The following AACS variants were observed in gnomAD, a reference collection of about 807,000 sequenced individuals.
AACS encodes the protein acetoacetyl-CoA synthetase.
Under a neutral mutation model 83.1 loss-of-function variants are expected in AACS, and 69 were observed. That is an observed-to-expected ratio of 0.83 (90% CI 0.68 to 1.01). The LOEUF is 1.01. Ranked by LOEUF, AACS falls within the 50% of genes least tolerant of loss-of-function variation. AACS has a pLI of 0.00. For missense variants in AACS, 866 were observed against 882.2 expected (o/e 0.98, Z 0.23); for synonymous variants, 333 against 343.4 (o/e 0.97, Z 0.33).
intron 12 of AACS, chr12:125,127,882 A>T: frequency 3.8e-6 from 1 of 262,382 alleles, no homozygotes. Context: ...TGAGTCTTGA[A>T]TTTCAGCATG....
rs988868526 is a variant in AACS, at chr12:125,130,933, A to G, written c.1549+1473A>G. Among the ~76,000 whole-genome samples the G allele has an allele frequency of 1.8e-4, 28 of 152,356 alleles. No homozygotes were observed. The highest frequency in any genetic ancestry group is 6.7e-4 in the African/African-American group (28 of 41,584). Reference sequence around the variant, plus strand: ...ATAATGAGATCTGAAGCTGTTTATCATGGACAAGGTGAACATAGGCTGCAC... The same window carrying G: ...ATAATGAGATCTGAAGCTGTTTATCGTGGACAAGGTGAACATAGGCTGCAC... On this transcript the variant is annotated intron_variant, in intron 14 of 17. Coordinates refer to ENST00000316519, the MANE Select transcript of AACS (RefSeq NM_023928.5). The surrounding 1 kb of genome is among the most constrained non-coding windows in gnomAD (Gnocchi z 4.9).
chr12:125,071,451 G>A (rs1330613694), intron 1 of AACS, among the ~76,000 whole-genome samples: 1 of 152,208 alleles, frequency 6.6e-6, no homozygotes, highest in African/African-American at 2.4e-5. Context: ...ATGGATTTAT[G>A]TGCTTGCTTT....
chr12:125,071,726 G>A (rs1239112896), intron 1 of AACS, among the ~76,000 whole-genome samples: 1 of 152,122 alleles, frequency 6.6e-6, no homozygotes, highest in African/African-American at 2.4e-5. Flanking sequence ...GAAGTCGGCC[G>A]CTTTTGCTGT....
Position 125,103,190 on chromosome 12 carries a change from TGGA to T in AACS, c.767+115_767+117del. On this transcript the variant is annotated intron_variant, in intron 7 of 17. Coordinates refer to ENST00000316519, the MANE Select transcript of AACS (RefSeq NM_023928.5). ...GGGGTCACTCAGAGAATTTTAGAAG[TGGA>T]GGAGGTTTTAGTTAAAAGCATCATT... 7.7e-6 allele frequency: 7 copies of T among 911,806 alleles called. 1 individual carries two copies. In the South Asian group the frequency reaches 1.1e-4, roughly 14 times the overall value. 56.5% of individuals were successfully genotyped at this position (911,806 alleles called of 1,614,324 possible).
At chr12:125,076,096 A>G (rs1956012983) in intron 2 of AACS, among the ~76,000 whole-genome samples, 2 of 152,224 alleles carry the variant, frequency 1.3e-5, no homozygotes, top group Non-Finnish European at 2.9e-5. Flanking sequence ...AAGGAAGCAA[A>G]GGCTGAAGCC....
rs1251210830 is a variant in AACS at position 125,118,682 on chromosome 12, C to T, written c.1038C>T (p.Ala346=). The part of the protein sequence containing the change: ...MMWNWMVSLL[A]TGAAMVLYDG... ...GGAACTGGATGGTGTCCCTTCTGGC[C>T]ACAGGAGCGGCCATGGTCTTGTACG... is the stretch of plus-strand genomic sequence containing the variant. The change falls in exon 10 of 18, where the codon GCC becomes GCT. Residue 346 remains alanine (A), a synonymous_variant. Transcript: ENST00000316519. 1 of 1,614,130 alleles carries T rather than the reference C, an allele frequency of 6.2e-7. No homozygotes were observed. The highest frequency in any genetic ancestry group is 1.3e-5 in the African/African-American group (1 of 75,046).
intron 5 of AACS, 40 bp downstream of exon 5, chr12:125,091,563 T>C (rs563245220): frequency 1.9e-6 from 3 of 1,590,856 alleles, no homozygotes; most frequent in South Asian, 2.2e-5. Flanking sequence ...CCCCTTGCCC[T>C]GTGAGCATCC....
chr12:125,089,801 CCCAT>C (rs373012916), intron 4 of AACS, among the ~76,000 whole-genome samples: 6 of 152,018 alleles, frequency 3.9e-5, no homozygotes, highest in Non-Finnish European at 5.9e-5. Context: ...CCATCATCTA[CCCAT>C]CCATCCATCC....
chr12:125,086,450 A>G lies in AACS; in HGVS notation c.472+7A>G. 2 of 1,613,886 alleles carry G rather than the reference A, an allele frequency of 1.2e-6. No individual in the cohort carries two copies. Among genetic ancestry groups the G allele is most frequent in the South Asian group, 1.1e-5 (1 of 91,068 alleles). ...AAAGGAGATCGGGTTGTTGGTAAGT[A>G]TTTTGGGTGCTGGTGATGGTTTGAG... On this transcript the variant is annotated splice_region_variant and intron_variant, in intron 4 of 17. Coordinates refer to ENST00000316519, the MANE Select transcript of AACS (RefSeq NM_023928.5).
intron 12 of AACS, 121 bp from the exon 13 acceptor site, chr12:125,128,040 A>G (rs1957273023): frequency 6.4e-6 from 4 of 625,142 alleles, no homozygotes. Context: ...GGGATGTTGC[A>G]GTGTTTGTCT....
At chr12:125,081,227 C>G (rs973547193) in intron 3 of AACS, among the ~76,000 whole-genome samples, 7 of 151,756 alleles carry the variant, frequency 4.6e-5, no homozygotes, top group African/African-American at 1.7e-4. Flanking sequence ...CTCCTGACCT[C>G]AAGTGATCCA....
intron 10 of AACS, chr12:125,122,415 T>C (rs953146334): frequency 6.6e-6 from 1 of 151,868 alleles, no homozygotes; most frequent in Non-Finnish European, 1.5e-5. Context: ...GTGGGTGGAT[T>C]ACCATGTCAG....
chr12:125,072,119 AGGGTT>A (rs1397751133), intron 1 of AACS, among the ~76,000 whole-genome samples: 1 of 148,718 alleles, frequency 6.7e-6, no homozygotes, highest in Admixed American at 6.7e-5. Flanking sequence ...GGCCTCCCAA[AGGGTT>A]GGGATTACAG....
chr12:125,076,068 G>A (rs1041946400), intron 2 of AACS, among the ~76,000 whole-genome samples: 2 of 152,182 alleles, frequency 1.3e-5, no homozygotes, highest in African/African-American at 4.8e-5. Context: ...TAAAAATCAA[G>A]GTTCCAGCAC....
At chr12:125,092,816 G>A (rs933508123) in intron 5 of AACS, 3 of 152,444 alleles carry the variant, frequency 2.0e-5, no homozygotes, top group Non-Finnish European at 1.5e-5. Flanking sequence ...CCTTGTGGGA[G>A]GGTCTGGAGG....
At chr12:125,093,056 C>T (rs1265101993) in intron 5 of AACS, among the ~76,000 whole-genome samples, 1 of 152,230 alleles carries the variant, frequency 6.6e-6, no homozygotes, top group African/African-American at 2.4e-5. Flanking sequence ...GCACAGATGG[C>T]AGGAGCCACG....
At chr12:125,137,027 C>T (rs1957411623) in intron 17 of AACS, among the ~76,000 whole-genome samples, 163 bp downstream of exon 17, 1 of 152,178 alleles carries the variant, frequency 6.6e-6, no homozygotes, top group South Asian at 2.1e-4. Flanking sequence ...CCTACCCTTC[C>T]TAAGACTGCA....
intron 1 of AACS, among the ~76,000 whole-genome samples, chr12:125,070,373 C>T (rs1461989471): frequency 6.6e-6 from 1 of 152,140 alleles, no homozygotes. Context: ...GGGCGGATAG[C>T]CTGTAATCTC....
intron 4 of AACS, among the ~76,000 whole-genome samples, chr12:125,089,281 G>A: frequency 6.6e-6 from 1 of 152,226 alleles, no homozygotes; most frequent in East Asian, 1.9e-4. Context: ...CAGCAGGGGA[G>A]TCGCGTGTGA....
Sources: allele counts gnomAD v4.1 joint callset (sites outside exome capture counted in the v4.1 genomes callset), GRCh38; gene constraint gnomAD v4.1.1; non-coding constraint Gnocchi (gnomAD v3.1); transcripts MANE v1.5; gene names NCBI Gene and HGNC (gene_info 2026-07-23, HGNC 2026-07-21).